The following PAGE2B variants were observed in gnomAD, a reference collection of about 807,000 sequenced individuals.
The protein encoded by PAGE2B is PAGE family member 2B.
In PAGE2B, 5 loss-of-function variants were observed where a neutral mutation model predicts 7.6. That is an observed-to-expected ratio of 0.66 (90% CI 0.34 to 1.38). The LOEUF is 1.38. Among genes scored for constraint, PAGE2B ranks in the 40% most tolerant of loss-of-function variants. The probability of loss-of-function intolerance (pLI) is 0.04; values close to 1 mark genes in which losing one functional copy is unlikely to be tolerated. For synonymous variants in PAGE2B, 29 were observed against 26.7 expected, an observed-to-expected ratio of 1.09 and a Z score of -0.27; for missense variants, 70 against 78.4, an observed-to-expected ratio of 0.89 and a Z score of 0.41.
the PAGE2B span, among the ~76,000 whole-genome samples, chrX:55,062,735 C>A: frequency 4.5e-5 from 5 of 111,534 alleles, no homozygotes; most frequent in Non-Finnish European, 9.4e-5. Context: ...AGTCTGAGGT[C>A]TTATAATTTA....
chrX:55,068,210 A>G, the PAGE2B span, among the ~76,000 whole-genome samples: 1 of 112,322 alleles, frequency 8.9e-6, no homozygotes, highest in Non-Finnish European at 1.9e-5. Flanking sequence ...TAAGTCTTTA[A>G]TCCATCTTGA....
chrX:55,042,257 A>C, the PAGE2B span, among the ~76,000 whole-genome samples: 1 of 111,415 alleles, frequency 9.0e-6, no homozygotes, highest in African/African-American at 3.3e-5. Context: ...GCTATACACC[A>C]ACAGCGACCA....
chrX:55,029,015 A>C, the PAGE2B span, among the ~76,000 whole-genome samples: 1 of 112,275 alleles, frequency 8.9e-6, no homozygotes, highest in Non-Finnish European at 1.9e-5. Context: ...AGATTCAGTA[A>C]GATAATCCAT....
At chrX:55,032,071 T>C in the PAGE2B span, among the ~76,000 whole-genome samples, 3 of 111,587 alleles carry the variant, frequency 2.7e-5, no homozygotes, top group Non-Finnish European at 5.6e-5. Context: ...CCAAGGATTT[T>C]CCCCCCTCCA....
At chrX:55,036,624 A>G in the PAGE2B span, among the ~76,000 whole-genome samples, 1 of 111,334 alleles carries the variant, frequency 9.0e-6, no homozygotes, top group South Asian at 3.8e-4. Context: ...CAAAACTGGA[A>G]GCATCACGCT....
chrX:55,068,968 A>G, the PAGE2B span, among the ~76,000 whole-genome samples: 3 of 111,982 alleles, frequency 2.7e-5, no homozygotes, highest in Admixed American at 9.5e-5. Flanking sequence ...TAAATGTCCA[A>G]TCATGTCATC....
At chrX:55,077,333 A>T in intron 3 of PAGE2B, 66 bp from the exon 4 acceptor site, 1 of 1,192,578 alleles carries the variant, frequency 8.4e-7, no homozygotes, top group Non-Finnish European at 1.1e-6. Context: ...GGGAATAAAT[A>T]TTATCATTTC....
At chrX:55,031,752 A>G in the PAGE2B span, among the ~76,000 whole-genome samples, 1 of 110,289 alleles carries the variant, frequency 9.1e-6, no homozygotes, top group Non-Finnish European at 1.9e-5. Flanking sequence ...TCTCTGTCTT[A>G]TCTTTTCTAT....
At chrX:55,075,728 A>G (rs1368237631) in intron 1 of PAGE2B, among the ~76,000 whole-genome samples, 1 of 111,098 alleles carries the variant, frequency 9.0e-6, no homozygotes, top group Non-Finnish European at 1.9e-5. Flanking sequence ...TTTCAGTTTC[A>G]ATTCTCTGCC....
chrX:55,066,433 A>G, the PAGE2B span, among the ~76,000 whole-genome samples: 1 of 112,104 alleles, frequency 8.9e-6, no homozygotes, highest in Non-Finnish European at 1.9e-5. Flanking sequence ...TTTCTTTCAT[A>G]TTGAAGAATG....
chrX:55,077,665 C>A (rs1936537997), intron 4 of PAGE2B, 141 bp downstream of exon 4: 1 of 1,099,073 alleles, frequency 9.1e-7, no homozygotes, highest in South Asian at 2.2e-5. Context: ...CCCCAAATGG[C>A]TGCCTTACAC....
Position 55,077,430 on chromosome X carries a change from G to C in PAGE2B, c.225G>C (p.Leu75=). ...ACATGGAAGCTTTTCAACAGGAACTGGCTCTGCTTAAGATAGAGGATGAGC... is the reference window on the plus strand; with the variant it reads ...ACATGGAAGCTTTTCAACAGGAACTCGCTCTGCTTAAGATAGAGGATGAGC... ...GPDMEAFQQE[L]ALLKIEDEPG... is the part of the protein sequence containing the mutation. The change falls in exon 4 of 5, where the codon CTG becomes CTC. Residue 75 remains leucine (L), a synonymous_variant. Coordinates refer to ENST00000374971, the MANE Select transcript of PAGE2B (RefSeq NM_001015038.3). 8.3e-7 allele frequency: 1 copy of C among 1,211,631 alleles called. No homozygotes were observed. The highest frequency in any genetic ancestry group is 1.1e-6 in the Non-Finnish European group (1 of 895,435).
At chrX:55,072,767 C>T, upstream of PAGE2B, among the ~76,000 whole-genome samples, 1 of 112,314 alleles carries the variant, frequency 8.9e-6, no homozygotes, top group Non-Finnish European at 1.9e-5. Flanking sequence ...ATGCCCTGCC[C>T]AGTGAGGAGG....
At chrX:55,045,088 A>G in the PAGE2B span, 1 of 112,394 alleles carries the variant, frequency 8.9e-6, no homozygotes, top group Non-Finnish European at 1.9e-5. Context: ...GCGGAGAATA[A>G]GAATTGAATT....
the PAGE2B span, among the ~76,000 whole-genome samples, chrX:55,029,951 C>G: frequency 1.2e-5 from 1 of 83,131 alleles, no homozygotes; most frequent in Non-Finnish European, 2.3e-5. Context: ...TCCTTGTCCC[C>G]CACCCCCCCA....
At chrX:55,075,253 C>A in intron 1 of PAGE2B, 139 bp downstream of exon 1, 1 of 138,724 alleles carries the variant, frequency 7.2e-6, no homozygotes, top group Non-Finnish European at 1.4e-5. Flanking sequence ...CCGGCCCCTC[C>A]CAGGTCGGGA....
At chrX:55,052,506 TG>T in the PAGE2B span, among the ~76,000 whole-genome samples, 1 of 112,286 alleles carries the variant, frequency 8.9e-6, no homozygotes, top group African/African-American at 3.2e-5. Context: ...GCCTGGGCAA[TG>T]GCAGGCACCC....
upstream of PAGE2B, among the ~76,000 whole-genome samples, chrX:55,070,171 A>G (rs1180216845): frequency 9.0e-6 from 1 of 111,095 alleles, no homozygotes; most frequent in African/African-American, 3.3e-5. Flanking sequence ...CTTGTGGGCA[A>G]TTACTGCTAT....
the PAGE2B span, among the ~76,000 whole-genome samples, chrX:55,048,191 C>T: frequency 1.8e-5 from 2 of 111,768 alleles, no homozygotes; most frequent in Admixed American, 9.5e-5. Flanking sequence ...GTTTTGGTAC[C>T]AGCACCATGC....
Sources: gnomAD v4.1 joint callset for allele counts (sites outside exome capture counted in the v4.1 genomes callset) on GRCh38, gnomAD v4.1.1 for gene constraint, MANE v1.5 for transcripts, NCBI Gene and HGNC (gene_info 2026-07-23, HGNC 2026-07-21) for gene names.